ST6GALNAC3: variants seen among roughly 807,000 people sequenced by gnomAD.
The protein encoded by ST6GALNAC3 is alpha-N-acetylgalactosaminide alpha-2,6-sialyltransferase 3.
ST6GALNAC3 carries 25 observed loss-of-function variants against 32.7 expected under a neutral mutation model. The observed-to-expected ratio is 0.76, with a 90% CI of 0.56 to 1.07. The LOEUF (loss-of-function observed/expected upper bound fraction) is 1.07, where lower values mean the gene tolerates loss of function less well. ST6GALNAC3 is among the 50% of genes least tolerant of loss of function. The pLI, the probability that ST6GALNAC3 is intolerant of heterozygous loss-of-function variation, is 0.00. For missense variants in ST6GALNAC3, 355 were observed against 382.4 expected (o/e 0.93, Z 0.60); for synonymous variants, 129 against 133.1 (o/e 0.97, Z 0.21).
At chr1:76,283,521 A>G (rs558123643) in intron 1 of ST6GALNAC3, among the ~76,000 whole-genome samples, 3 of 152,190 alleles carry the variant, frequency 2.0e-5, no homozygotes. Flanking sequence ...GTCAGGGCCT[A>G]CAATATCACT....
chr1:76,152,548 TG>T (rs1651112099), intron 1 of ST6GALNAC3, among the ~76,000 whole-genome samples: 1 of 152,202 alleles, frequency 6.6e-6, no homozygotes, highest in African/African-American at 2.4e-5. Context: ...TCTTTGGTAA[TG>T]TTCATAGTGA....
chr1:76,205,030 C>T (rs564968291), intron 1 of ST6GALNAC3, among the ~76,000 whole-genome samples: 56 of 152,276 alleles, frequency 3.7e-4, no homozygotes, highest in African/African-American at 1.3e-3. Context: ...TTATTCCCAA[C>T]GTCATTTGCT....
chr1:76,540,378 G>GA (rs1663916965), intron 3 of ST6GALNAC3, among the ~76,000 whole-genome samples: 1 of 151,924 alleles, frequency 6.6e-6, no homozygotes, highest in South Asian at 2.1e-4. Flanking sequence ...TGAGGTGAGG[G>GA]AACTTAGAGG....
chr1:76,340,771 C>T (rs1446388738), intron 2 of ST6GALNAC3, among the ~76,000 whole-genome samples: 1 of 152,032 alleles, frequency 6.6e-6, no homozygotes, highest in Non-Finnish European at 1.5e-5. Context: ...GAGAAGGCTT[C>T]CCCTGGAAGC....
intron 1 of ST6GALNAC3, among the ~76,000 whole-genome samples, chr1:76,095,867 T>C (rs1007301546): frequency 5.9e-5 from 9 of 152,194 alleles, no homozygotes; most frequent in African/African-American, 1.9e-4. Context: ...AAATTGAATG[T>C]CTTGTAAACG....
At position 76,480,244 on chromosome 1, in the gene ST6GALNAC3, A is replaced by G. The variant is rs79055537; in HGVS notation, c.623+67827A>G. 3.5e-3 allele frequency among the ~76,000 whole-genome samples: 537 copies of G among 152,348 alleles called. 7 individuals carry two copies. The highest frequency in any genetic ancestry group is 0.012 in the African/African-American group (515 of 41,596). On this transcript the variant is annotated intron_variant, in intron 3 of 4. Transcript: ENST00000328299. ...ATAAGAGTTATCACTATCAATAATC[A>G]TTTGAAATTCATTTTTCCCAGATAA...
chr1:76,365,447 A>G (rs1650292595), intron 2 of ST6GALNAC3, among the ~76,000 whole-genome samples: 1 of 152,212 alleles, frequency 6.6e-6, no homozygotes, highest in Non-Finnish European at 1.5e-5. Flanking sequence ...CATGTAACAA[A>G]CCTGCACGTT....
intron 1 of ST6GALNAC3, among the ~76,000 whole-genome samples, chr1:76,220,538 A>G (rs1442353372): frequency 6.6e-6 from 1 of 152,212 alleles, no homozygotes; most frequent in African/African-American, 2.4e-5. Context: ...CTTGTAATCT[A>G]TCAACCAATA....
At chr1:76,501,961 G>A (rs578228469) in intron 3 of ST6GALNAC3, among the ~76,000 whole-genome samples, 50 of 152,296 alleles carry the variant, frequency 3.3e-4, no homozygotes, top group Admixed American at 1.4e-3. Flanking sequence ...ATGTTCCCAC[G>A]TTCTGAGACG....
intron 3 of ST6GALNAC3, among the ~76,000 whole-genome samples, chr1:76,565,656 G>A (rs1278607164): frequency 1.3e-5 from 2 of 152,134 alleles, no homozygotes; most frequent in Admixed American, 6.5e-5. Flanking sequence ...TGTTAATTGA[G>A]GCTAACAGGT....
intron 3 of ST6GALNAC3, among the ~76,000 whole-genome samples, chr1:76,624,872 C>T (rs1272318327): frequency 6.6e-6 from 1 of 151,930 alleles, no homozygotes; most frequent in Non-Finnish European, 1.5e-5. Context: ...TCATGCCCAT[C>T]ACACAAGGGA....
chr1:76,500,145 A>T (rs1661093823), intron 3 of ST6GALNAC3, among the ~76,000 whole-genome samples: 1 of 152,208 alleles, frequency 6.6e-6, no homozygotes, highest in Admixed American at 6.5e-5. Context: ...ACACATTCAC[A>T]TTTAAGATTG....
intron 1 of ST6GALNAC3, among the ~76,000 whole-genome samples, chr1:76,313,054 T>C (rs996560830): frequency 2.0e-5 from 3 of 152,156 alleles, no homozygotes; most frequent in African/African-American, 4.8e-5. Context: ...AATTTTTTTT[T>C]CCTCTTGTTA....
Position 76,253,067 on chromosome 1 carries a change from A to G in ST6GALNAC3, c.19-60738A>G, listed in dbSNP as rs182515161. Reference sequence around the variant, plus strand: ...GTATTAGAAATGCTGTTGGCTCACTATACTAGAATATTATCAACCAGTATT... The same window carrying G: ...GTATTAGAAATGCTGTTGGCTCACTGTACTAGAATATTATCAACCAGTATT... On this transcript the variant is annotated intron_variant, in intron 1 of 4. Coordinates refer to ENST00000328299, the MANE Select transcript of ST6GALNAC3 (RefSeq NM_152996.4). Among the ~76,000 whole-genome samples the G allele has an allele frequency of 5.3e-5, 8 of 152,248 alleles. No homozygotes were observed. In the East Asian group the frequency reaches 1.5e-3, roughly 29 times the overall value.
chr1:76,388,258 T>G (rs894422775), intron 2 of ST6GALNAC3, among the ~76,000 whole-genome samples: 1 of 152,196 alleles, frequency 6.6e-6, no homozygotes, highest in African/African-American at 2.4e-5. Flanking sequence ...AGTAGTTGGA[T>G]GCTGAGCCCT....
chr1:76,230,370 C>A (rs1392074886), intron 1 of ST6GALNAC3, among the ~76,000 whole-genome samples: 2 of 152,064 alleles, frequency 1.3e-5, no homozygotes, highest in East Asian at 3.9e-4. Context: ...AATTATGGAG[C>A]TTTAATAGGA....
intron 1 of ST6GALNAC3, among the ~76,000 whole-genome samples, chr1:76,175,337 C>T (rs1446682681): frequency 6.6e-6 from 1 of 152,050 alleles, no homozygotes; most frequent in Non-Finnish European, 1.5e-5. Flanking sequence ...TTCTTTTTAC[C>T]ATTTTTAACC....
At chr1:76,478,971 G>C (rs1218141035) in intron 3 of ST6GALNAC3, among the ~76,000 whole-genome samples, 1 of 151,790 alleles carries the variant, frequency 6.6e-6, no homozygotes, top group East Asian at 2.0e-4. Context: ...CACTGTGTTA[G>C]ACAGGATGGT....
intron 1 of ST6GALNAC3, among the ~76,000 whole-genome samples, chr1:76,284,016 G>GTTGGAAGATGAGAATC (rs11267387): frequency 0.48 from 72,337 of 151,982 alleles, 17,499 homozygotes; most frequent in African/African-American, 0.55. Context: ...GCCCTGGCTT[G>GTTGGAAGATGAGAATC]TTGGGATTGG....
Sources: allele counts gnomAD v4.1 joint callset (sites outside exome capture counted in the v4.1 genomes callset), GRCh38; gene constraint gnomAD v4.1.1; transcripts MANE v1.5; gene names NCBI Gene and HGNC (gene_info 2026-07-23, HGNC 2026-07-21).